Variants in FBLN7 observed in about 807,000 individuals in gnomAD.
FBLN7 encodes fibulin-7.
In FBLN7, 31 loss-of-function variants were observed where a neutral mutation model predicts 44.0. The observed-to-expected ratio is 0.70, with a 90% CI of 0.53 to 0.95. The LOEUF (loss-of-function observed/expected upper bound fraction) is 0.95, where lower values mean the gene tolerates loss of function less well. Among genes scored for constraint, FBLN7 ranks in the 40% least tolerant of loss-of-function variants. FBLN7 has a pLI of 0.00. For synonymous variants in FBLN7, 262 were observed against 253.4 expected (o/e 1.03, Z -0.32); for missense variants, 573 against 618.5 (o/e 0.93, Z 0.78).
chr2:112,228,023 G>A, the FBLN7 span, among the ~76,000 whole-genome samples: 3 of 152,296 alleles, frequency 2.0e-5, no homozygotes, highest in South Asian at 2.1e-4. Flanking sequence ...GACAGCTTAC[G>A]CTTCCTTATT....
chr2:112,157,967 G>T (rs1681522963), intron 1 of FBLN7, among the ~76,000 whole-genome samples: 1 of 150,900 alleles, frequency 6.6e-6, no homozygotes, highest in East Asian at 2.0e-4. Flanking sequence ...CGCGATCTCG[G>T]CTCACTGCAG....
the FBLN7 span, among the ~76,000 whole-genome samples, chr2:112,193,986 A>G: frequency 6.6e-6 from 1 of 152,226 alleles, no homozygotes; most frequent in Non-Finnish European, 1.5e-5. Flanking sequence ...CAATTATTTT[A>G]TTATGAATTA....
chr2:112,232,008 A>T, the FBLN7 span: 1 of 1,040,190 alleles, frequency 9.6e-7, no homozygotes, highest in Non-Finnish European at 1.4e-6. Flanking sequence ...TTATTAACTT[A>T]ATGACTTTAT....
chr2:112,229,671 T>C, the FBLN7 span, among the ~76,000 whole-genome samples: 1 of 152,192 alleles, frequency 6.6e-6, no homozygotes, highest in Non-Finnish European at 1.5e-5. Context: ...AGCCAATCTA[T>C]ATATGCATAA....
At chr2:112,150,102 G>T (rs945915323) in intron 1 of FBLN7, among the ~76,000 whole-genome samples, 4 of 152,214 alleles carry the variant, frequency 2.6e-5, no homozygotes, top group African/African-American at 9.6e-5. Flanking sequence ...CATCTGGTTG[G>T]CCACTATCTG....
chr2:112,163,142 C>T (rs776750126), intron 2 of FBLN7, among the ~76,000 whole-genome samples: 17 of 152,186 alleles, frequency 1.1e-4, no homozygotes, highest in Non-Finnish European at 4.4e-5. Flanking sequence ...CCTCCCTCCG[C>T]CCCAGCTCAG....
chr2:112,152,262 G>GT (rs1488028580), intron 1 of FBLN7: 1 of 152,296 alleles, frequency 6.6e-6, no homozygotes, highest in African/African-American at 2.4e-5. Context: ...AGTGGGTGTT[G>GT]TAATGGTGCC....
In FBLN7 at chr2:112,182,852, C is replaced by T. The variant is rs201347772; in HGVS notation, c.732C>T (p.Cys244=). The change falls in exon 6 of 8, where the codon TGC becomes TGT. Residue 244 remains cysteine, a synonymous_variant. Transcript: ENST00000331203. The part of the protein sequence containing the change: ...EGRPRLCMHA[C]VNTPGSYRCT... ...GCCCCCGGCTCTGCATGCACGCCTG[C>T]GTGAACACCCCGGGCTCTTACCGTT... The T allele has an allele frequency of 8.7e-6, 14 of 1,612,854 alleles. No individual in the cohort carries two copies. The highest frequency in any genetic ancestry group is 3.3e-5 in the South Asian group (3 of 90,718).
At chr2:112,142,787 T>C (rs1350464083) in intron 1 of FBLN7, among the ~76,000 whole-genome samples, 1 of 152,138 alleles carries the variant, frequency 6.6e-6, no homozygotes. Flanking sequence ...TGTGTGTCAA[T>C]AGATGTATGT....
chr2:112,195,945 C>T, the FBLN7 span, among the ~76,000 whole-genome samples: 1 of 152,276 alleles, frequency 6.6e-6, no homozygotes, highest in Non-Finnish European at 1.5e-5. Flanking sequence ...TCTGTGCCCT[C>T]GTGGGAGGGC....
At chr2:112,196,425 A>G in the FBLN7 span, among the ~76,000 whole-genome samples, 1 of 120,870 alleles carries the variant, frequency 8.3e-6, no homozygotes, top group Non-Finnish European at 1.6e-5. Flanking sequence ...TCTGTCACCC[A>G]GGCTGGAGTG....
chr2:112,187,813 C>A lies in FBLN7; in HGVS notation c.*307C>A, dbSNP rs1683347556. 1 of 487,850 alleles carries A rather than the reference C, an allele frequency of 2.0e-6. No homozygotes were observed. The allele number at this position is 487,850 out of a possible 1,614,324, so 30.2% of individuals were successfully genotyped here. On this transcript the variant is annotated 3_prime_UTR_variant, in exon 8 of 8. Transcript: ENST00000331203. The surrounding 1 kb of genome is among the most constrained non-coding windows in gnomAD (Gnocchi z 5.1). ...GCTTTCCAAAATGCTGTGCAAATGG[C>A]CTTGTGAGTTTGAACTAGCTGGGGA...
chr2:112,242,468 T>C, the FBLN7 span, among the ~76,000 whole-genome samples: 1 of 152,256 alleles, frequency 6.6e-6, no homozygotes, highest in Admixed American at 6.5e-5. Context: ...TTCGTAGAGA[T>C]GCTCAGTTAT....
In FBLN7 at chr2:112,165,013, C is replaced by CT; in HGVS notation, c.249dup (p.Leu84SerfsTer52). ...TCTCTCCTTACAGTTTCCTGCCCGG[C>CT]TCTGAACACCCCCGCAGACGGCAGA... is the stretch of plus-strand genomic sequence containing the variant. On this transcript the variant is annotated frameshift_variant, in exon 3 of 8. Transcript: ENST00000331203. LOFTEE classifies it high-confidence loss of function. 6.2e-7 allele frequency: 1 copy of CT among 1,614,072 alleles called. No homozygotes were observed. The highest frequency in any genetic ancestry group is 1.1e-5 in the South Asian group (1 of 91,062).
intron 1 of FBLN7, among the ~76,000 whole-genome samples, chr2:112,144,236 C>T (rs1680789631): frequency 6.6e-6 from 1 of 152,160 alleles, no homozygotes; most frequent in Non-Finnish European, 1.5e-5. Context: ...TTGATGCATC[C>T]GATTTTTCCC....
intron 3 of FBLN7, among the ~76,000 whole-genome samples, chr2:112,168,019 G>A (rs1682259442): frequency 6.6e-6 from 1 of 152,190 alleles, no homozygotes; most frequent in Non-Finnish European, 1.5e-5. Flanking sequence ...TTCTTGAGAT[G>A]TGGAGGGCGG....
chr2:112,219,692 G>T, the FBLN7 span, among the ~76,000 whole-genome samples: 1 of 152,070 alleles, frequency 6.6e-6, no homozygotes, highest in South Asian at 2.1e-4. Flanking sequence ...ATGCCCGGGT[G>T]TATGGTCAAT....
At chr2:112,144,610 C>T (rs543528161) in intron 1 of FBLN7, among the ~76,000 whole-genome samples, 126 of 151,458 alleles carry the variant, frequency 8.3e-4, no homozygotes, top group South Asian at 5.9e-3. Flanking sequence ...CTGCCACCTC[C>T]GCCTCCCGGG....
downstream of FBLN7, chr2:112,190,702 G>C (rs1683457872): frequency 6.6e-6 from 1 of 152,112 alleles, no homozygotes. Context: ...CATGACCCTA[G>C]TAGTCTTTTT....
Sources: gnomAD v4.1 joint callset for allele counts (sites outside exome capture counted in the v4.1 genomes callset) on GRCh38, gnomAD v4.1.1 for gene constraint, Gnocchi (gnomAD v3.1) non-coding constraint, MANE v1.5 for transcripts, NCBI Gene and HGNC (gene_info 2026-07-23, HGNC 2026-07-21) for gene names.